NHS: variants seen among roughly 807,000 people sequenced by gnomAD.
The protein encoded by NHS is actin remodeling regulator NHS.
In NHS, 5 loss-of-function variants were observed where a neutral mutation model predicts 72.5. That is an observed-to-expected ratio of 0.07 (90% confidence interval 0.04 to 0.14). The LOEUF is 0.14. Among genes scored for constraint, NHS ranks in the 10% least tolerant of loss-of-function variants. The pLI, the probability that NHS is intolerant of heterozygous loss-of-function variation, is 1.00. For synonymous variants in NHS, 464 were observed against 547.7 expected (o/e 0.85, Z 2.13); for missense variants, 1,072 against 1,355.7 (o/e 0.79, Z 3.29).
chrX:17,662,884 T>C (rs2065989164), intron 1 of NHS, among the ~76,000 whole-genome samples: 1 of 112,403 alleles, frequency 8.9e-6, no homozygotes, highest in Admixed American at 9.4e-5. Flanking sequence ...TCCTCTTTTA[T>C]TGTAAATAGA....
chrX:17,416,896 A>G (rs2064599180), intron 1 of NHS, among the ~76,000 whole-genome samples: 1 of 109,956 alleles, frequency 9.1e-6, no homozygotes, highest in Admixed American at 9.8e-5. Flanking sequence ...CGATTGGTGT[A>G]AATTGTTATC....
intron 1 of NHS, among the ~76,000 whole-genome samples, chrX:17,545,924 T>C (rs1035081788): frequency 5.3e-5 from 6 of 112,237 alleles, no homozygotes; most frequent in Non-Finnish European, 1.1e-4. Flanking sequence ...GCAGAAGGCA[T>C]TGGTTAAACA....
intron 1 of NHS, among the ~76,000 whole-genome samples, chrX:17,640,413 G>C (rs1368689721): frequency 8.9e-6 from 1 of 111,755 alleles, no homozygotes; most frequent in African/African-American, 3.3e-5. Context: ...TGGCAGAAAG[G>C]ACATACAGAA....
chrX:17,548,026 C>T (rs1161398617), intron 1 of NHS, among the ~76,000 whole-genome samples: 1 of 112,029 alleles, frequency 8.9e-6, no homozygotes, highest in East Asian at 2.8e-4. Context: ...CATGTCTCTG[C>T]TTGAGTCAGA....
At chrX:17,715,409 T>G (rs772905594) in intron 3 of NHS, among the ~76,000 whole-genome samples, 2 of 112,643 alleles carry the variant, frequency 1.8e-5, no homozygotes, top group Non-Finnish European at 3.7e-5. Context: ...TAACACATTT[T>G]CTTTATCCAA....
At chrX:17,612,299 A>G (rs930901193) in intron 1 of NHS, among the ~76,000 whole-genome samples, 3 of 109,961 alleles carry the variant, frequency 2.7e-5, no homozygotes, top group South Asian at 8.0e-4. Context: ...GAGCACCTCA[A>G]GTTTGAAACT....
At chrX:17,427,570 C>T (rs188680399) in intron 1 of NHS, among the ~76,000 whole-genome samples, 1 of 112,608 alleles carries the variant, frequency 8.9e-6, no homozygotes, top group Non-Finnish European at 1.9e-5. Flanking sequence ...ATTCCCACAG[C>T]TGAAGGTTTG....
intron 1 of NHS, among the ~76,000 whole-genome samples, chrX:17,669,219 A>G (rs755661715): frequency 1.8e-5 from 2 of 112,250 alleles, no homozygotes; most frequent in South Asian, 7.5e-4. Context: ...AAGACAGAGA[A>G]CTCATATGTC....
Position 17,721,442 on chromosome X carries a change from C to G in NHS, c.917C>G (p.Ser306Cys). ...AACCTGATTGTACTTTGTTTGCAGT[C>G]CCATCCCCCAGAGGATGAAGATACA... is the stretch of plus-strand genomic sequence containing the variant. ...CCHMTPWSRK[S>C]HPPEDEDTDV... The change falls in exon 5 of 9, where the codon TCC (serine) becomes TGC (cysteine). Residue 306 changes from serine (S) to cysteine (C), a missense_variant and splice_region_variant. By Grantham distance (112) the Ser-to-Cys change is moderately radical. Coordinates refer to ENST00000676302, the MANE Select transcript of NHS (RefSeq NM_001291867.2). 6.6e-6 allele frequency: 8 copies of G among 1,209,078 alleles called. No homozygotes were observed. Among genetic ancestry groups the G allele is most frequent in the Non-Finnish European group, 9.0e-6 (8 of 893,332 alleles).
intron 1 of NHS, among the ~76,000 whole-genome samples, chrX:17,410,812 C>T (rs1172237988): frequency 3.6e-5 from 4 of 111,253 alleles, no homozygotes; most frequent in Admixed American, 1.9e-4. Flanking sequence ...GGCAAAAATC[C>T]TATTATTTAG....
At chrX:17,474,927 C>G (rs979202870) in intron 1 of NHS, among the ~76,000 whole-genome samples, 2 of 111,267 alleles carry the variant, frequency 1.8e-5, no homozygotes, top group Non-Finnish European at 1.9e-5. Context: ...TGGCATCATC[C>G]TAGACCTGGG....
chrX:17,615,701 C>A (rs1425399172), intron 1 of NHS, among the ~76,000 whole-genome samples: 2 of 110,676 alleles, frequency 1.8e-5, no homozygotes, highest in Non-Finnish European at 3.8e-5. Context: ...TCTCCCTTTT[C>A]CCCCACACCA....
At chrX:17,456,400 C>T (rs2064825978) in intron 1 of NHS, among the ~76,000 whole-genome samples, 1 of 111,763 alleles carries the variant, frequency 8.9e-6, no homozygotes, top group Non-Finnish European at 1.9e-5. Flanking sequence ...AGATTTCAAA[C>T]AGGACAAGGG....
intron 1 of NHS, among the ~76,000 whole-genome samples, chrX:17,377,439 C>T (rs908007663): frequency 8.8e-5 from 10 of 113,340 alleles, no homozygotes; most frequent in Admixed American, 2.8e-4. Context: ...CCTAGTCAGG[C>T]TGCGACGCTC....
intron 1 of NHS, among the ~76,000 whole-genome samples, chrX:17,413,556 T>C (rs756306608): frequency 8.9e-6 from 1 of 112,544 alleles, no homozygotes; most frequent in Admixed American, 9.4e-5. Flanking sequence ...AAAATACTTT[T>C]CTTTCTTCCC....
intron 1 of NHS, among the ~76,000 whole-genome samples, chrX:17,540,723 AT>A (rs995467851): frequency 5.3e-5 from 6 of 112,393 alleles, no homozygotes; most frequent in African/African-American, 1.9e-4. Context: ...AACACAAGTC[AT>A]TTCCCAAGAG....
chrX:17,544,667 C>T (rs2065282781), intron 1 of NHS, among the ~76,000 whole-genome samples: 1 of 111,481 alleles, frequency 9.0e-6, no homozygotes, highest in Non-Finnish European at 1.9e-5. Context: ...CACCCACCAC[C>T]ATGCCTAGCT....
intron 2 of NHS, among the ~76,000 whole-genome samples, chrX:17,689,131 T>C (rs960888424): frequency 3.5e-5 from 4 of 112,736 alleles, no homozygotes; most frequent in Non-Finnish European, 7.5e-5. Context: ...TCCACATTTG[T>C]ATAACTCCTG....
At chrX:17,427,042 C>T (rs1477789898) in intron 1 of NHS, among the ~76,000 whole-genome samples, 1 of 112,129 alleles carries the variant, frequency 8.9e-6, no homozygotes, top group African/African-American at 3.2e-5. Flanking sequence ...TTGGCATGCT[C>T]GGCCTGGCTG....
Sources: allele counts gnomAD v4.1 joint callset (sites outside exome capture counted in the v4.1 genomes callset), GRCh38; gene constraint gnomAD v4.1.1; transcripts MANE v1.5; gene names NCBI Gene and HGNC (gene_info 2026-07-23, HGNC 2026-07-21).